SLC35F1: variants seen among roughly 807,000 people sequenced by gnomAD.
SLC35F1 encodes solute carrier family 35 member F1.
A neutral mutation model predicts 48.7 loss-of-function variants in SLC35F1; 14 were observed. The ratio of observed to expected loss-of-function variants is 0.29; its 90% CI spans 0.19 to 0.45. The LOEUF (loss-of-function observed/expected upper bound fraction) is 0.45, where lower values mean the gene tolerates loss of function less well. Among genes scored for constraint, SLC35F1 ranks in the 20% least tolerant of loss-of-function variants. The pLI is 1.00. For synonymous variants in SLC35F1, 190 were observed against 202.2 expected (o/e 0.94, Z 0.51); for missense variants, 404 against 500.0 (o/e 0.81, Z 1.83).
At position 118,080,534 on chromosome 6, in the gene SLC35F1, A is replaced by G. The variant is rs1360992748; in HGVS notation, c.174-73911A>G. 2.0e-5 allele frequency among the ~76,000 whole-genome samples: 3 copies of G among 152,376 alleles called. No homozygotes were observed. The East Asian group carries it at 5.8e-4, about 29-fold the overall frequency. On this transcript the variant is annotated intron_variant, in intron 1 of 7. Coordinates refer to ENST00000360388, the MANE Select transcript of SLC35F1 (RefSeq NM_001029858.4). ...AGGTAAAGAATGATAAATTGGCTGC[A>G]TAGTAAAAAAGAACTGCAAAAGTTC... is the stretch of plus-strand genomic sequence containing the variant.
intron 7 of SLC35F1, among the ~76,000 whole-genome samples, chr6:118,302,287 C>A (rs747320486): frequency 6.6e-6 from 1 of 152,012 alleles, no homozygotes; most frequent in Non-Finnish European, 1.5e-5. Context: ...AAAGAACAGT[C>A]AACTATTTGG....
chr6:117,941,004 CA>C (rs1284185828), intron 1 of SLC35F1, among the ~76,000 whole-genome samples: 4 of 152,086 alleles, frequency 2.6e-5, no homozygotes, highest in African/African-American at 9.7e-5. Flanking sequence ...CTTCAAAATA[CA>C]AAATGGCAAC....
At chr6:118,079,233 C>G (rs534828336) in intron 1 of SLC35F1, among the ~76,000 whole-genome samples, 1 of 152,240 alleles carries the variant, frequency 6.6e-6, no homozygotes, top group South Asian at 2.1e-4. Context: ...GTAGTCTCTA[C>G]TCTACTTCTC....
At chr6:118,275,784 C>A (rs774406373) in intron 5 of SLC35F1, among the ~76,000 whole-genome samples, 169 bp downstream of exon 5, 55 of 152,110 alleles carry the variant, frequency 3.6e-4, no homozygotes, top group Non-Finnish European at 4.4e-4. Flanking sequence ...AAATCACCTC[C>A]AAATTAAACA....
chr6:117,939,476 T>G (rs1429710706), intron 1 of SLC35F1, among the ~76,000 whole-genome samples: 1 of 152,202 alleles, frequency 6.6e-6, no homozygotes, highest in Non-Finnish European at 1.5e-5. Context: ...CAAGTTAAGG[T>G]ATGCTAAGAT....
At chr6:118,281,257 G>T (rs1326813855) in intron 6 of SLC35F1, among the ~76,000 whole-genome samples, 2 of 148,054 alleles carry the variant, frequency 1.4e-5, no homozygotes, top group Non-Finnish European at 3.0e-5. Context: ...GAGTCAAATA[G>T]GATGTTCCTT....
Position 117,908,031 on chromosome 6 carries a change from G to A in SLC35F1, c.173+132G>A, listed in dbSNP as rs972956284. 6.7e-6 allele frequency: 6 copies of A among 890,776 alleles called. No individual in the cohort carries two copies. The East Asian group carries it at 2.1e-4, about 31-fold the overall frequency. 55.2% of individuals were successfully genotyped at this position (890,776 alleles called of 1,614,324 possible). A position where few individuals can be genotyped will look rare whatever the true frequency, so the allele number is the denominator to read the frequency against. On this transcript the variant is annotated intron_variant, in intron 1 of 7. Transcript: ENST00000360388. ...GCGGCCGGAGGAGACTGAGGAGATCGGGCGACGACGCGCTCCGCGGGCGCA... is the reference window on the plus strand; with the variant it reads ...GCGGCCGGAGGAGACTGAGGAGATCAGGCGACGACGCGCTCCGCGGGCGCA...
At chr6:118,053,511 A>T (rs1343549158) in intron 1 of SLC35F1, among the ~76,000 whole-genome samples, 1 of 152,154 alleles carries the variant, frequency 6.6e-6, no homozygotes, top group African/African-American at 2.4e-5. Flanking sequence ...CCCTAATCCT[A>T]TTATCCTGAT....
chr6:118,211,619 A>G (rs2114549092), intron 2 of SLC35F1, among the ~76,000 whole-genome samples: 1 of 152,342 alleles, frequency 6.6e-6, no homozygotes, highest in Non-Finnish European at 1.5e-5. Context: ...ATATGGACAT[A>G]CCCTTGAGGA....
intron 2 of SLC35F1, among the ~76,000 whole-genome samples, chr6:118,196,259 C>A (rs906844120): frequency 2.0e-5 from 3 of 152,150 alleles, no homozygotes; most frequent in African/African-American, 7.2e-5. Context: ...GCACATGTTT[C>A]TAAGTTAGGC....
intron 1 of SLC35F1, among the ~76,000 whole-genome samples, chr6:118,143,655 C>T (rs915854973): frequency 6.6e-6 from 1 of 152,122 alleles, no homozygotes; most frequent in Non-Finnish European, 1.5e-5. Flanking sequence ...CTAAATGTAT[C>T]ATAATGCAAT....
intron 1 of SLC35F1, among the ~76,000 whole-genome samples, chr6:118,137,722 C>T (rs897701192): frequency 6.6e-6 from 1 of 152,188 alleles, no homozygotes; most frequent in African/African-American, 2.4e-5. Context: ...TACACCTTTC[C>T]TAAATGGCCT....
chr6:117,957,234 T>G (rs1406788047), intron 1 of SLC35F1, among the ~76,000 whole-genome samples: 4 of 152,232 alleles, frequency 2.6e-5, no homozygotes, highest in Admixed American at 2.6e-4. Flanking sequence ...TATTTATTGA[T>G]TCTAATTTTT....
intron 1 of SLC35F1, among the ~76,000 whole-genome samples, chr6:117,959,782 TG>T (rs142873591): frequency 0.02 from 3,004 of 152,250 alleles, 37 homozygotes; most frequent in Non-Finnish European, 0.032. Flanking sequence ...GCATAAAGAA[TG>T]CTACTTATAA....
At chr6:117,997,188 A>C (rs1777007233) in intron 1 of SLC35F1, among the ~76,000 whole-genome samples, 1 of 152,178 alleles carries the variant, frequency 6.6e-6, no homozygotes, top group African/African-American at 2.4e-5. Flanking sequence ...TGGAAGATGA[A>C]ATGAATGAAA....
At chr6:118,051,205 T>C (rs755346311) in intron 1 of SLC35F1, among the ~76,000 whole-genome samples, 7 of 152,188 alleles carry the variant, frequency 4.6e-5, no homozygotes, top group Non-Finnish European at 1.0e-4. Flanking sequence ...TTATCAAGCA[T>C]TGCCTTTAAG....
chr6:118,025,460 A>C (rs1024600620), intron 1 of SLC35F1, among the ~76,000 whole-genome samples: 1 of 152,158 alleles, frequency 6.6e-6, no homozygotes. Context: ...TATTTGTCAG[A>C]TTTTACCAGA....
intron 1 of SLC35F1, among the ~76,000 whole-genome samples, chr6:117,927,855 T>C (rs1445154280): frequency 1.3e-5 from 2 of 152,176 alleles, no homozygotes; most frequent in African/African-American, 4.8e-5. Context: ...CCTTGTACTT[T>C]CTATTGCAGC....
At chr6:118,103,124 A>G (rs1318096807) in intron 1 of SLC35F1, among the ~76,000 whole-genome samples, 1 of 152,192 alleles carries the variant, frequency 6.6e-6, no homozygotes, top group Non-Finnish European at 1.5e-5. Context: ...TCAAGAACAT[A>G]TATTTCTAAT....
Sources: gnomAD v4.1 joint callset for allele counts (sites outside exome capture counted in the v4.1 genomes callset) on GRCh38, gnomAD v4.1.1 for gene constraint, MANE v1.5 for transcripts, NCBI Gene and HGNC (gene_info 2026-07-23, HGNC 2026-07-21) for gene names.